CACNA1F: variants seen among roughly 807,000 people sequenced by gnomAD.
CACNA1F encodes the protein voltage-dependent L-type calcium channel subunit alpha-1F.
CACNA1F carries 59 observed loss-of-function variants against 143.8 expected under a neutral mutation model. That is an observed-to-expected ratio of 0.41 (90% CI 0.33 to 0.51). The LOEUF (loss-of-function observed/expected upper bound fraction) is 0.51, where lower values mean the gene tolerates loss of function less well. Ranked by LOEUF, CACNA1F falls within the 20% of genes least tolerant of loss-of-function variation. CACNA1F has a pLI of 0.22. For missense variants in CACNA1F, 1,411 were observed against 1,647.5 expected (o/e 0.86, Z 2.48); for synonymous variants, 643 against 649.1 (o/e 0.99, Z 0.14).
chrX:49,215,694 G>A, intron 27 of CACNA1F, 151 bp from the exon 28 acceptor site: 1 of 448,522 alleles, frequency 2.2e-6, no homozygotes, highest in Non-Finnish European at 3.9e-6. Flanking sequence ...TAACCACCTG[G>A]GACCTCCATA....
At position 49,231,680 on chromosome X, in the gene CACNA1F, C is replaced by G. The variant is rs781960727; in HGVS notation, c.273G>C (p.Trp91Cys). 123 of 1,210,439 alleles carry G rather than the reference C, an allele frequency of 1.0e-4. No homozygotes were observed. In the South Asian group the frequency reaches 2.1e-3, roughly 21 times the overall value. ...LRRSCISIVEWKPFDILILLT... is the reference protein window; with the variant it reads ...LRRSCISIVECKPFDILILLT... ...CCTGCCCCTGCCTTCCAGGATGCTTCCACTCCACGATGCTGATGCAGGACC... is the reference window on the plus strand; with the variant it reads ...CCTGCCCCTGCCTTCCAGGATGCTTGCACTCCACGATGCTGATGCAGGACC... The change falls in exon 2 of 48, where the codon TGG (tryptophan) becomes TGC (cysteine). Residue 91 changes from tryptophan to cysteine, a missense_variant and splice_region_variant. Transcript: ENST00000323022.
chrX:49,227,896 T>A, intron 8 of CACNA1F, 140 bp downstream of exon 8: 1 of 509,479 alleles, frequency 2.0e-6, no homozygotes, highest in Non-Finnish European at 3.6e-6. Flanking sequence ...CCTAAAATGG[T>A]GCCTCACATA....
intron 47 of CACNA1F, 70 bp downstream of exon 47, chrX:49,205,546 C>A: frequency 9.4e-7 from 1 of 1,058,365 alleles, no homozygotes; most frequent in East Asian, 3.2e-5. Flanking sequence ...GACTCCTTTC[C>A]GTCCTCCTCC....
intron 45 of CACNA1F, 47 bp from the exon 46 acceptor site, chrX:49,206,670 C>T: frequency 8.3e-7 from 1 of 1,208,541 alleles, no homozygotes. Context: ...GTCAGTGCTT[C>T]CCCAGATCTC....
In CACNA1F at chrX:49,218,517, T is replaced by A. The variant is rs1284819409; in HGVS notation, c.2866A>T (p.Ile956Phe). The A allele has an allele frequency of 1.3e-5, 15 of 1,170,026 alleles. No individual in the cohort carries two copies. The highest frequency in any genetic ancestry group is 1.7e-5 in the Non-Finnish European group (15 of 876,634). Reference sequence around the variant, plus strand: ...CGCAGTACTCGGAGTACTCGCAGAATCTTCACCACCGAGATGGCGCTGGAG... The same window carrying A: ...CGCAGTACTCGGAGTACTCGCAGAAACTTCACCACCGAGATGGCGCTGGAG... ...IHSSAISVVK[I>F]LRVLRVLRPL... The change falls in exon 24 of 48, where the codon ATT becomes TTT. Residue 956 changes from isoleucine (I) to phenylalanine (F), a missense_variant. By Grantham distance (21) the Ile-to-Phe change is conservative. Transcript: ENST00000323022.
In CACNA1F at chrX:49,219,759, C is replaced by T. The variant is rs1200111372; in HGVS notation, c.2418G>A (p.Glu806=). The change falls in exon 20 of 48, where the codon GAG becomes GAA. Residue 806 remains glutamate (E), a synonymous_variant. Coordinates refer to ENST00000323022, the MANE Select transcript of CACNA1F (RefSeq NM_001256789.3). ...CCTCTTCCTCTTCTTCCTCTTCTTC[C>T]TCTTCTTCCTCCTCCTCCTCCTCCT... ...DMEEEEEEEE[E]EEEEEEEEGA... is the part of the protein sequence containing the mutation. The T allele has an allele frequency of 8.8e-7, 1 of 1,132,596 alleles. No homozygotes were observed. 93.3% of individuals were successfully genotyped at this position (1,132,596 alleles called of 1,213,427 possible). A position where few individuals can be genotyped will look rare whatever the true frequency, so the allele number is the denominator to read the frequency against.
At position 49,205,112 on chromosome X, in the gene CACNA1F, T is replaced by G; in HGVS notation, c.*25A>C. 6.4e-6 allele frequency: 7 copies of G among 1,099,053 alleles called. No individual in the cohort carries two copies. The highest frequency in any genetic ancestry group is 8.8e-6 in the Non-Finnish European group (7 of 794,582). The allele number at this position is 1,099,053 out of a possible 1,213,427, so 90.6% of individuals were successfully genotyped here. ...GGGGAGGGGAGGGCAGGAGGTTTATTGAGCAGTTGGGGAGGGGTGGGAATT... is the reference window on the plus strand; with the variant it reads ...GGGGAGGGGAGGGCAGGAGGTTTATGGAGCAGTTGGGGAGGGGTGGGAATT... On this transcript the variant is annotated 3_prime_UTR_variant, in exon 48 of 48. Transcript: ENST00000323022.
Position 49,217,999 on chromosome X carries a change from C to G in CACNA1F, c.2935G>C (p.Val979Leu). The part of the protein sequence containing the change: ...INRAKGLKHV[V>L]QCVFVAIRTI... ...CGGATGGCCACAAATACACACTGCACCACATGCTGCGGGCACCCAAGCATA... is the reference window on the plus strand; with the variant it reads ...CGGATGGCCACAAATACACACTGCAGCACATGCTGCGGGCACCCAAGCATA... Residue 979 changes from valine to leucine, a missense_variant, in exon 25 of 48, where the codon GTG becomes CTG. Around this residue, in one of 3 missense-constraint regions of CACNA1F, gnomAD observed 950 missense variants for 1,128.1 expected, o/e 0.84. Transcript: ENST00000323022. 8.3e-7 allele frequency: 1 copy of G among 1,201,779 alleles called. No individual in the cohort carries two copies.
At chrX:49,227,960 G>A in intron 8 of CACNA1F, 76 bp downstream of exon 8, 2 of 670,566 alleles carry the variant, frequency 3.0e-6, no homozygotes, top group Admixed American at 2.4e-5. Context: ...TTTGAAGGAT[G>A]TCTAGGAGTT....
At chrX:49,221,304 C>A (rs909531662) in intron 17 of CACNA1F, among the ~76,000 whole-genome samples, 3 of 111,860 alleles carry the variant, frequency 2.7e-5, no homozygotes, top group African/African-American at 6.5e-5. Context: ...TCAGGAAAAA[C>A]TACAGTCCTC....
intron 47 of CACNA1F, 53 bp downstream of exon 47, chrX:49,205,563 C>T (rs1249097543): frequency 9.0e-7 from 1 of 1,115,066 alleles, no homozygotes; most frequent in African/African-American, 1.8e-5. Flanking sequence ...CTCCAGTACC[C>T]ACCTCCTCCC....
rs2272704 is a variant in CACNA1F, at chrX:49,226,490, G to A, written c.1382C>T (p.Ala461Val). The A allele has an allele frequency of 1.7e-4, 202 of 1,185,268 alleles. No individual in the cohort carries two copies. In the East Asian group the frequency reaches 4.9e-3, roughly 29 times the overall value. ...HSTSSHASLP[A>V]SDTGSMTETQ... Reference sequence around the variant, plus strand: ...CTCTGTCATGGAACCGGTGTCACTGGCTGGGAGGCTGGCTGTAGGCAAGGT... The same window carrying A: ...CTCTGTCATGGAACCGGTGTCACTGACTGGGAGGCTGGCTGTAGGCAAGGT... The change falls in exon 11 of 48, where the codon GCC (alanine) becomes GTC (valine). Residue 461 changes from alanine to valine, a missense_variant. Ala to Val is a moderately conservative substitution (Grantham distance 64). Around this residue, in one of 3 missense-constraint regions of CACNA1F, gnomAD observed 950 missense variants for 1,128.1 expected, o/e 0.84. Coordinates refer to ENST00000323022, the MANE Select transcript of CACNA1F (RefSeq NM_001256789.3).
chrX:49,216,455 C>T lies in CACNA1F; in HGVS notation c.3163G>A (p.Asp1055Asn), dbSNP rs1459312811. 2.5e-6 allele frequency: 3 copies of T among 1,206,255 alleles called. No homozygotes were observed. The highest frequency in any genetic ancestry group is 3.4e-6 in the Non-Finnish European group (3 of 892,530). The change falls in exon 27 of 48, where the codon GAT becomes AAT. Residue 1055 changes from aspartate (D) to asparagine (N), a missense_variant. Physicochemically the swap from Asp to Asn is conservative, Grantham distance 23. Around this residue, in one of 3 missense-constraint regions of CACNA1F, gnomAD observed 950 missense variants for 1,128.1 expected, o/e 0.84. Transcript: ENST00000323022. ...GAAAGGACATTGTCAAAGTTGAAAT[C>T]ACTGTTGACCCAGAGCCGCTCCCGG... ...LVRERLWVNS[D>N]FNFDNVLSAM... is the part of the protein sequence containing the mutation.
rs2147913749 is a variant in CACNA1F at position 49,222,812 on chromosome X, C to A, written c.2112G>T (p.Val704=). Reference sequence around the variant, plus strand: ...ATGCCATGATACCATCATACATGACCACGTTCCAGTCCTCACCTGTCAGGA... The same window carrying A: ...ATGCCATGATACCATCATACATGACAACGTTCCAGTCCTCACCTGTCAGGA... The part of the protein sequence containing the change: ...FQILTGEDWN[V]VMYDGIMAYG... Residue 704 remains valine, a synonymous_variant, in exon 16 of 48, where the codon GTG becomes GTT. Transcript: ENST00000323022. 8.3e-7 allele frequency: 1 copy of A among 1,211,159 alleles called. No individual in the cohort carries two copies. The highest frequency in any genetic ancestry group is 1.7e-5 in the African/African-American group (1 of 57,626).
chrX:49,208,659 G>A lies in CACNA1F; in HGVS notation c.4979C>T (p.Ala1660Val). ...CACAGAAATCCCGGAGCCCCGGCGA[G>A]CTGAGGGCTGGGAGACCATCGTGGC... ...NKATMVSQPSARRGSGISVSL... is the reference protein window; with the variant it reads ...NKATMVSQPSVRRGSGISVSL... Residue 1660 changes from alanine (A) to valine (V), a missense_variant, in exon 43 of 48, where the codon GCT (alanine) becomes GTT (valine). Ala to Val is a moderately conservative substitution (Grantham distance 64, BLOSUM62 0). Transcript: ENST00000323022. 1 of 1,210,927 alleles carries A rather than the reference G, an allele frequency of 8.3e-7. No individual in the cohort carries two copies. The highest frequency in any genetic ancestry group is 1.1e-6 in the Non-Finnish European group (1 of 895,050).
At position 49,212,738 on chromosome X, in the gene CACNA1F, G is replaced by A. The variant is rs782005253; in HGVS notation, c.3871C>T (p.Arg1291Trp). 3.3e-6 allele frequency: 4 copies of A among 1,208,214 alleles called. No individual in the cohort carries two copies. Among genetic ancestry groups the A allele is most frequent in the Non-Finnish European group, 4.5e-6 (4 of 893,266 alleles). ...ITFFRLFRVM[R>W]LVKLLSKGEG... ...CCCTTACTGAGAAGCTTGACCAGCC[G>A]CATAACTCGGAAGAGGCGAAAGAAG... The change falls in exon 33 of 48, where the codon CGG (arginine) becomes TGG (tryptophan). Residue 1291 changes from arginine (R) to tryptophan (W), a missense_variant. Around this residue, in one of 3 missense-constraint regions of CACNA1F, gnomAD observed 950 missense variants for 1,128.1 expected, o/e 0.84. Coordinates refer to ENST00000323022, the MANE Select transcript of CACNA1F (RefSeq NM_001256789.3).
chrX:49,220,982 A>C (rs1382238229), intron 18 of CACNA1F, 53 bp downstream of exon 18: 2 of 975,735 alleles, frequency 2.0e-6, no homozygotes, highest in African/African-American at 3.7e-5. Context: ...GCACACATAG[A>C]CAGGTAGTGG....
In CACNA1F at chrX:49,223,128, G is replaced by A; in HGVS notation, c.1886C>T (p.Ala629Val). 1 of 1,186,737 alleles carries A rather than the reference G, an allele frequency of 8.4e-7. No individual in the cohort carries two copies. The highest frequency in any genetic ancestry group is 1.1e-6 in the Non-Finnish European group (1 of 877,262). Residue 629 changes from alanine (A) to valine (V), a missense_variant, in exon 15 of 48, where the codon GCT becomes GTT. Physicochemically the swap from Ala to Val is moderately conservative, Grantham distance 64. This residue lies in a region of CACNA1F where 950 missense variants were observed against 1,128.1 expected (regional missense o/e 0.84). Coordinates refer to ENST00000323022, the MANE Select transcript of CACNA1F (RefSeq NM_001256789.3). ...LRIFKVTRHW[A>V]SLSNLVASLL... ...GGATGCCACCAGATTGCTCAGAGAA[G>A]CCCAGTGTCTGCAGCAGAAATGGGA... is the stretch of plus-strand genomic sequence containing the variant.
chrX:49,224,100 T>C (rs782514389), intron 14 of CACNA1F, among the ~76,000 whole-genome samples: 2 of 110,552 alleles, frequency 1.8e-5, no homozygotes, highest in Non-Finnish European at 3.8e-5. Context: ...GGCCTGGTGT[T>C]GGGGATGGGG....
Sources: gnomAD v4.1 joint callset for allele counts (sites outside exome capture counted in the v4.1 genomes callset) on GRCh38, gnomAD v4.1.1 for gene constraint, gnomAD v4.1.1 regional missense constraint, MANE v1.5 for transcripts, NCBI Gene and HGNC (gene_info 2026-07-23, HGNC 2026-07-21) for gene names.